NCOR2: variants seen among roughly 807,000 people sequenced by gnomAD.
NCOR2 encodes the protein CTG repeat protein 26.
In NCOR2, 81 loss-of-function variants were observed where a neutral mutation model predicts 262.9. The observed-to-expected ratio is 0.31, with a 90% CI of 0.26 to 0.37. The LOEUF is 0.37. Ranked by LOEUF, NCOR2 falls within the 10% of genes least tolerant of loss-of-function variation. NCOR2 has a pLI of 1.00. For synonymous variants in NCOR2, 1,659 were observed against 1,559.3 expected (o/e 1.06, Z -1.51); for missense variants, 3,385 against 3,621.4 (o/e 0.93, Z 1.68).
rs920064185 is a variant in NCOR2 at position 124,389,279 on chromosome 12, G to A, written c.1877-3392C>T. Among the ~76,000 whole-genome samples the A allele has an allele frequency of 6.6e-6, 1 of 152,202 alleles. No homozygotes were observed. Among genetic ancestry groups the A allele is most frequent in the African/African-American group, 2.4e-5 (1 of 41,450 alleles). On this transcript the variant is annotated intron_variant, in intron 16 of 46. Coordinates refer to ENST00000405201, the Ensembl canonical transcript of NCOR2. This position sits in a 1 kb window ranked among gnomAD's most constrained non-coding sequence, Gnocchi z 4.4. ...GCCGTGTCCCCCGCAGCCGGGCTCA[G>A]CTCTGATCTTCTTGCTGCCTGACCC...
intron 44 of NCOR2, chr12:124,329,234 G>T: frequency 2.2e-6 from 1 of 445,914 alleles, no homozygotes; most frequent in South Asian, 1.6e-5. Flanking sequence ...GCCCAATGTG[G>T]GTGGATCATC....
intron 3 of NCOR2, among the ~76,000 whole-genome samples, chr12:124,480,065 C>A (rs939237776): frequency 1.3e-5 from 2 of 152,244 alleles, no homozygotes; most frequent in Admixed American, 6.5e-5. Flanking sequence ...TGCGTGCCAG[C>A]CTCCTGATAA....
intron 15 of NCOR2, among the ~76,000 whole-genome samples, chr12:124,399,466 G>A (rs537165367): frequency 1.3e-5 from 2 of 152,322 alleles, no homozygotes; most frequent in Non-Finnish European, 2.9e-5. Context: ...CCGCCACCAA[G>A]AGGCAGCTGG....
At chr12:124,350,441 T>C in intron 28 of NCOR2, 146 bp downstream of exon 30, 2 of 1,037,792 alleles carry the variant, frequency 1.9e-6, no homozygotes, top group African/African-American at 3.2e-5. Flanking sequence ...TGCTGCTGGC[T>C]TGCATACCTG....
rs568492597 is a variant in NCOR2, at chr12:124,528,471, G to T, written c.-118+7094C>A. Among the ~76,000 whole-genome samples the T allele has an allele frequency of 2.0e-5, 3 of 152,274 alleles. No individual in the cohort carries two copies. In the South Asian group the frequency reaches 6.2e-4, roughly 32 times the overall value. ...CCAGCCCATTCCTGGGCTTCCATAT[G>T]CCATGCTCCTCCCTTGCCCCAAAAT... On this transcript the variant is annotated intron_variant, in intron 1 of 46. Transcript: ENST00000404621.
At chr12:124,561,425 C>T (rs893637993) in intron 1 of NCOR2, among the ~76,000 whole-genome samples, 37 of 152,334 alleles carry the variant, frequency 2.4e-4, no homozygotes, top group African/African-American at 7.9e-4. Flanking sequence ...AAGGAGACTC[C>T]CCCAACAGCT....
intron 8 of NCOR2, among the ~76,000 whole-genome samples, chr12:124,433,216 A>C (rs2044078620): frequency 6.6e-6 from 1 of 152,204 alleles, no homozygotes; most frequent in Non-Finnish European, 1.5e-5. Context: ...ATCAAGAGGC[A>C]GTTCTGGTGA....
chr12:124,350,735 G>A lies in NCOR2; in HGVS notation c.3696C>T (p.Gly1232=), dbSNP rs771916029. 1.9e-6 allele frequency: 3 copies of A among 1,610,554 alleles called. No homozygotes were observed. In the South Asian group the frequency reaches 3.3e-5, roughly 18 times the overall value. Reference sequence around the variant, plus strand: ...CCTTGTACAGGACGTCAGCTGGCGTGCCCTGCAGGTGCAGAGGGGTGAGCG... The same window carrying A: ...CCTTGTACAGGACGTCAGCTGGCGTACCCTGCAGGTGCAGAGGGGTGAGCG... The change falls in exon 28 of 47, where the codon GGC becomes GGT. Residue 1232 remains glycine (G), a splice_region_variant and synonymous_variant. Coordinates refer to ENST00000405201, the Ensembl canonical transcript of NCOR2.
At chr12:124,502,374 A>T (rs2048791134) in intron 1 of NCOR2, among the ~76,000 whole-genome samples, 1 of 152,184 alleles carries the variant, frequency 6.6e-6, no homozygotes, top group South Asian at 2.1e-4. Context: ...AGCAGGTGAG[A>T]CGGGAGTAAG....
At chr12:124,391,693 G>A (rs1393314035) in intron 16 of NCOR2, among the ~76,000 whole-genome samples, 2 of 152,136 alleles carry the variant, frequency 1.3e-5, no homozygotes, top group African/African-American at 2.4e-5. Flanking sequence ...TCAAAAATCA[G>A]CCTCGCTATC....
chr12:124,513,017 G>A (rs1461438386), intron 1 of NCOR2, among the ~76,000 whole-genome samples: 2 of 152,178 alleles, frequency 1.3e-5, no homozygotes, highest in East Asian at 1.9e-4. Context: ...ACCTCCCGCT[G>A]CTCTCTCGGG....
exon 35 of NCOR2, chr12:124,340,606 G>A (rs886916249): frequency 6.7e-7 from 1 of 1,500,002 alleles, no homozygotes; most frequent in South Asian, 1.3e-5. Flanking sequence ...CGCTACCTGG[G>A]GAGAGTGGGG....
chr12:124,372,750 G>C, intron 19 of NCOR2, 140 bp from the exon 22 acceptor site: 1 of 706,100 alleles, frequency 1.4e-6, no homozygotes, highest in Non-Finnish European at 2.3e-6. Context: ...CACCTGGGCT[G>C]CTGCCTAGAG....
intron 5 of NCOR2, among the ~76,000 whole-genome samples, chr12:124,462,422 G>A (rs1026318283): frequency 2.0e-5 from 3 of 152,238 alleles, no homozygotes; most frequent in Non-Finnish European, 4.4e-5. Context: ...GGCCTACCCG[G>A]AGCTTCAGCT....
intron 5 of NCOR2, among the ~76,000 whole-genome samples, chr12:124,458,990 GA>G (rs915873999): frequency 6.6e-6 from 1 of 152,174 alleles, no homozygotes; most frequent in African/African-American, 2.4e-5. Flanking sequence ...GAGAGACATG[GA>G]ATGAATGAGA....
At chr12:124,428,407 C>T (rs2043718773) in intron 10 of NCOR2, among the ~76,000 whole-genome samples, 3 of 152,242 alleles carry the variant, frequency 2.0e-5, no homozygotes. Flanking sequence ...TGGCCAGATT[C>T]ATCTTTGGAT....
chr12:124,358,036 G>C (rs1221281529), intron 22 of NCOR2, among the ~76,000 whole-genome samples: 1 of 147,092 alleles, frequency 6.8e-6, no homozygotes, highest in Non-Finnish European at 1.5e-5. Context: ...GTGTGTGAGT[G>C]CATGGATGTG....
At chr12:124,346,461 C>G in intron 31 of NCOR2, 103 bp downstream of exon 33, 1 of 1,259,706 alleles carries the variant, frequency 7.9e-7, no homozygotes, top group Non-Finnish European at 1.0e-6. Flanking sequence ...TACGCGAGGG[C>G]TCTCAGCCTC....
Position 124,405,741 on chromosome 12 carries a change from T to C in NCOR2, c.1483-3180A>G, listed in dbSNP as rs1219551727. Among the ~76,000 whole-genome samples the C allele has an allele frequency of 6.6e-5, 10 of 152,018 alleles. No individual in the cohort carries two copies. The East Asian group carries it at 1.9e-3, about 30-fold the overall frequency. The stretch of plus-strand genomic sequence containing the variant: ...GGAGAGGGAGGTCCCAGCTCACAAC[T>C]CCCCCTGAGGAGCTGGGGGGACCCG... On this transcript the variant is annotated intron_variant, in intron 13 of 46. Coordinates refer to ENST00000405201, the Ensembl canonical transcript of NCOR2.
Sources: allele counts gnomAD v4.1 joint callset (sites outside exome capture counted in the v4.1 genomes callset), GRCh38; gene constraint gnomAD v4.1.1; non-coding constraint Gnocchi (gnomAD v3.1); transcripts MANE v1.5; gene names NCBI Gene and HGNC (gene_info 2026-07-23, HGNC 2026-07-21).